Variants in MEGF9 observed in about 807,000 individuals in gnomAD.
MEGF9 encodes the protein multiple EGF like domains 9, also known as multiple epidermal growth factor-like domains protein 9.
Under a neutral mutation model 46.8 loss-of-function variants are expected in MEGF9, and 6 were observed. The ratio of observed to expected loss-of-function variants is 0.13; its 90% CI spans 0.07 to 0.25. MEGF9 has a LOEUF of 0.25. Among genes scored for constraint, MEGF9 ranks in the 10% least tolerant of loss-of-function variants. The probability of loss-of-function intolerance (pLI) is 1.00; values close to 1 mark genes in which losing one functional copy is unlikely to be tolerated. For missense variants in MEGF9, 683 were observed against 792.4 expected (o/e 0.86, Z 1.66); for synonymous variants, 302 against 330.7 (o/e 0.91, Z 0.94).
chr9:120,679,153 C>T (rs1462691093), intron 1 of MEGF9, among the ~76,000 whole-genome samples: 1 of 152,172 alleles, frequency 6.6e-6, no homozygotes, highest in East Asian at 1.9e-4. Flanking sequence ...ATAAATCATG[C>T]TGCTATAAAG....
chr9:120,700,770 A>G (rs1028677583), intron 1 of MEGF9, among the ~76,000 whole-genome samples: 7 of 152,118 alleles, frequency 4.6e-5, no homozygotes, highest in Admixed American at 6.6e-5. Flanking sequence ...AATATTTTTA[A>G]AGAAATTTCA....
At position 120,700,487 on chromosome 9, in the gene MEGF9, C is replaced by T. The variant is rs577174274; in HGVS notation, c.601+13271G>A. ...GTGGGACTATAATGTTAGTGCTATT[C>T]ATATAGAACTGATAAAACACACTGT... is the stretch of plus-strand genomic sequence containing the variant. On this transcript the variant is annotated intron_variant, in intron 1 of 5. Coordinates refer to ENST00000373930, the MANE Select transcript of MEGF9 (RefSeq NM_001080497.3). Among the ~76,000 whole-genome samples, 19 of 152,194 alleles carry T rather than the reference C, an allele frequency of 1.2e-4. No homozygotes were observed. The South Asian group carries it at 3.5e-3, about 28-fold the overall frequency.
intron 5 of MEGF9, 113 bp downstream of exon 5, chr9:120,607,628 C>G (rs2043425113): frequency 1.8e-5 from 21 of 1,155,914 alleles, no homozygotes; most frequent in Non-Finnish European, 2.2e-5. Flanking sequence ...AAATATCTAT[C>G]AAAATCTATT....
chr9:120,650,173 G>A (rs2043643569), intron 2 of MEGF9, among the ~76,000 whole-genome samples: 1 of 152,154 alleles, frequency 6.6e-6, no homozygotes, highest in African/African-American at 2.4e-5. Context: ...GGAGGCTGAG[G>A]CAGAGAATTG....
At position 120,604,127 on chromosome 9, in the gene MEGF9, G is replaced by A. The variant is rs1428644839; in HGVS notation, c.*1063C>T. 6.6e-6 allele frequency: 1 copy of A among 152,546 alleles called. No homozygotes were observed. The highest frequency in any genetic ancestry group is 2.4e-5 in the African/African-American group (1 of 41,426). 9.4% of individuals were successfully genotyped at this position (152,546 alleles called of 1,614,324 possible). A position where few individuals can be genotyped will look rare whatever the true frequency, so the allele number is the denominator to read the frequency against. ...AATGCATCCTATGTCCCAGCTTAAC[G>A]ATTACTGACTTCAAAATCTATTGCT... On this transcript the variant is annotated 3_prime_UTR_variant, in exon 6 of 6. Coordinates refer to ENST00000373930, the MANE Select transcript of MEGF9 (RefSeq NM_001080497.3).
intron 1 of MEGF9, among the ~76,000 whole-genome samples, chr9:120,703,278 C>T (rs534365523): frequency 1.3e-5 from 2 of 152,294 alleles, no homozygotes; most frequent in Admixed American, 1.3e-4. Flanking sequence ...CCTTCTTTTT[C>T]ACTAATTCAA....
At chr9:120,641,400 T>C (rs992351809) in intron 2 of MEGF9, among the ~76,000 whole-genome samples, 7 of 152,226 alleles carry the variant, frequency 4.6e-5, no homozygotes, top group African/African-American at 1.7e-4. Context: ...TATTCCATCA[T>C]GACCCTACTG....
chr9:120,625,512 C>T lies in MEGF9; in HGVS notation c.804-2757G>A, dbSNP rs373109489. On this transcript the variant is annotated intron_variant, in intron 2 of 5. Coordinates refer to ENST00000373930, the MANE Select transcript of MEGF9 (RefSeq NM_001080497.3). ...AATAGCCACTGTACTCCAGCCTGGGCGACACAGGGAGACTCTGTCTCTTAA... is the reference window on the plus strand; with the variant it reads ...AATAGCCACTGTACTCCAGCCTGGGTGACACAGGGAGACTCTGTCTCTTAA... Among the ~76,000 whole-genome samples the T allele has an allele frequency of 3.7e-4, 56 of 150,084 alleles. No homozygotes were observed. In the South Asian group the frequency reaches 6.1e-3, roughly 16 times the overall value.
Position 120,714,384 on chromosome 9 carries a change from C to A in MEGF9, c.-26G>T. 1 of 1,287,368 alleles carries A rather than the reference C, an allele frequency of 7.8e-7. No homozygotes were observed. Among genetic ancestry groups the A allele is most frequent in the South Asian group, 2.3e-5 (1 of 44,222 alleles). The allele number at this position is 1,287,368 out of a possible 1,614,324, so 79.7% of individuals were successfully genotyped here. On this transcript the variant is annotated 5_prime_UTR_variant, in exon 1 of 6. It removes an upstream start codon present in the reference 5' UTR. Transcript: ENST00000373930. ...TCATTCAGCCAGTCGGTTGGTCAGT[C>A]ATCTTCTCCTCGTTGCAATCCGACC...
intron 1 of MEGF9, among the ~76,000 whole-genome samples, chr9:120,697,298 G>T (rs2043882062): frequency 1.3e-5 from 2 of 152,182 alleles, no homozygotes; most frequent in African/African-American, 2.4e-5. Flanking sequence ...GCCCAGGCGG[G>T]TCTCAAACTC....
intron 3 of MEGF9, among the ~76,000 whole-genome samples, chr9:120,618,620 G>A: frequency 6.6e-6 from 1 of 152,132 alleles, no homozygotes; most frequent in Non-Finnish European, 1.5e-5. Context: ...TTTTTAGGCT[G>A]GGCTCCGTGG....
At position 120,607,913 on chromosome 9, in the gene MEGF9, G is replaced by A; in HGVS notation, c.1185C>T (p.Ser395=). The A allele has an allele frequency of 6.2e-7, 1 of 1,613,974 alleles. No individual in the cohort carries two copies. Among genetic ancestry groups the A allele is most frequent in the Non-Finnish European group, 8.5e-7 (1 of 1,179,880 alleles). The change falls in exon 5 of 6, where the codon AGC becomes AGT. Residue 395 remains serine (S), a synonymous_variant. Coordinates refer to ENST00000373930, the MANE Select transcript of MEGF9 (RefSeq NM_001080497.3). ...KCENGYYNFD[S]ICRKCQCHGH... ...CGTGACATTGGCACTTTCTACAGAT[G>A]CTGTCAAAATTGTAATAGCCATTTT... is the stretch of plus-strand genomic sequence containing the variant.
intron 2 of MEGF9, among the ~76,000 whole-genome samples, chr9:120,647,162 CATTT>C (rs2043629640): frequency 6.9e-6 from 1 of 144,938 alleles, no homozygotes; most frequent in African/African-American, 2.5e-5. Flanking sequence ...TTTTTTCATT[CATTT>C]GACTACAGCT....
chr9:120,654,862 C>G (rs1053115284), intron 2 of MEGF9, among the ~76,000 whole-genome samples: 1 of 151,642 alleles, frequency 6.6e-6, no homozygotes, highest in South Asian at 2.1e-4. Flanking sequence ...TGTATATTTA[C>G]GTCGTAGTTT....
At chr9:120,687,387 T>C (rs1041609802) in intron 1 of MEGF9, among the ~76,000 whole-genome samples, 14 of 152,150 alleles carry the variant, frequency 9.2e-5, no homozygotes, top group African/African-American at 3.4e-4. Flanking sequence ...GCACATTAAT[T>C]GAGACGTATT....
At chr9:120,712,439 G>A (rs2043958149) in intron 1 of MEGF9, among the ~76,000 whole-genome samples, 1 of 152,142 alleles carries the variant, frequency 6.6e-6, no homozygotes, top group Non-Finnish European at 1.5e-5. Flanking sequence ...AAACTCCAGA[G>A]TCCATACTCT....
At chr9:120,711,326 A>G (rs896503712) in intron 1 of MEGF9, among the ~76,000 whole-genome samples, 1 of 152,228 alleles carries the variant, frequency 6.6e-6, no homozygotes, top group South Asian at 2.1e-4. Context: ...GACCCTAGAT[A>G]CCGATATTTT....
intron 1 of MEGF9, among the ~76,000 whole-genome samples, chr9:120,672,673 CT>C (rs1214843215): frequency 6.6e-6 from 1 of 151,978 alleles, no homozygotes; most frequent in East Asian, 1.9e-4. Flanking sequence ...AACATGAAAG[CT>C]TATGTAGAAA....
chr9:120,682,780 G>A (rs1454122471), intron 1 of MEGF9, among the ~76,000 whole-genome samples: 1 of 152,070 alleles, frequency 6.6e-6, no homozygotes. Context: ...ACAGGATCTT[G>A]CTATGTTAAC....
Sources: gnomAD v4.1 joint callset for allele counts (sites outside exome capture counted in the v4.1 genomes callset) on GRCh38, gnomAD v4.1.1 for gene constraint, MANE v1.5 for transcripts, NCBI Gene and HGNC (gene_info 2026-07-23, HGNC 2026-07-21) for gene names.